ERCC6L2: variants seen among roughly 807,000 people sequenced by gnomAD.
ERCC6L2 encodes ERCC excision repair 6 like 2, also known as DNA excision repair protein ERCC-6-like 2.
In ERCC6L2, 77 loss-of-function variants were observed where a neutral mutation model predicts 132.0. The ratio of observed to expected loss-of-function variants is 0.58; its 90% CI spans 0.49 to 0.71. ERCC6L2 has a LOEUF of 0.71. ERCC6L2 is among the 30% of genes least tolerant of loss of function. The pLI is 0.00. For synonymous variants in ERCC6L2, 583 were observed against 632.4 expected, an observed-to-expected ratio of 0.92 and a Z score of 1.17; for missense variants, 1,542 against 1,837.6, an observed-to-expected ratio of 0.84 and a Z score of 2.94.
intron 4 of ERCC6L2, among the ~76,000 whole-genome samples, chr9:95,911,535 T>C (rs568421124): frequency 5.3e-5 from 8 of 152,076 alleles, no homozygotes; most frequent in African/African-American, 1.9e-4. Flanking sequence ...TATGATTTTA[T>C]ATTTATTTAT....
chr9:95,895,325 G>T (rs983546986), intron 2 of ERCC6L2, among the ~76,000 whole-genome samples: 5 of 151,844 alleles, frequency 3.3e-5, no homozygotes, highest in Admixed American at 2.0e-4. Flanking sequence ...CCTTTTTTAA[G>T]AAGTTTTTCT....
At chr9:95,995,775 A>G (rs1833450468) in intron 17 of ERCC6L2, among the ~76,000 whole-genome samples, 1 of 152,180 alleles carries the variant, frequency 6.6e-6, no homozygotes, top group Non-Finnish European at 1.5e-5. Context: ...CACATGCATG[A>G]TCTTTGATGT....
At chr9:95,901,801 T>C (rs932060911) in intron 3 of ERCC6L2, among the ~76,000 whole-genome samples, 3 of 152,248 alleles carry the variant, frequency 2.0e-5, no homozygotes, top group South Asian at 4.1e-4. Flanking sequence ...AACTGGAATT[T>C]AGAGTTTTTA....
intron 13 of ERCC6L2, among the ~76,000 whole-genome samples, 192 bp from the exon 14 acceptor site, chr9:95,966,369 CA>C (rs1832156709): frequency 6.6e-6 from 1 of 152,276 alleles, no homozygotes; most frequent in East Asian, 1.9e-4. Context: ...ATCTCTGTTT[CA>C]ATAAGACTGG....
intron 1 of ERCC6L2, among the ~76,000 whole-genome samples, chr9:95,877,966 G>A (rs1322194776): frequency 6.6e-6 from 1 of 152,088 alleles, no homozygotes; most frequent in Non-Finnish European, 1.5e-5. Flanking sequence ...AAAAACCAGT[G>A]GACATGATAA....
intron 2 of ERCC6L2, among the ~76,000 whole-genome samples, chr9:95,884,300 G>A (rs565917475): frequency 6.0e-4 from 91 of 152,128 alleles, no homozygotes; most frequent in Middle Eastern, 3.2e-3. Context: ...TAGATAGGTG[G>A]TTTGAAAGAC....
At chr9:95,882,425 A>G (rs931471481) in intron 2 of ERCC6L2, among the ~76,000 whole-genome samples, 2 of 152,196 alleles carry the variant, frequency 1.3e-5, no homozygotes, top group Non-Finnish European at 2.9e-5. Context: ...TTTGTGATCC[A>G]AGAAGAATAG....
chr9:96,026,153 C>G (rs1383895457), intron 19 of ERCC6L2, among the ~76,000 whole-genome samples: 2 of 152,182 alleles, frequency 1.3e-5, no homozygotes, highest in Non-Finnish European at 2.9e-5. Context: ...CCGGCCCGGG[C>G]GGGATGTGGG....
chr9:95,923,388 T>C lies in ERCC6L2; in HGVS notation c.1533+9T>C. On this transcript the variant is annotated intron_variant, in intron 9 of 18. Coordinates refer to ENST00000653738, the MANE Select transcript of ERCC6L2 (RefSeq NM_020207.7). ...ACAGTGGAAAAATGAAGGTAAGTGC[T>C]CCTCTTTCAGGTTGCATACAGACAT... The C allele has an allele frequency of 6.2e-7, 1 of 1,612,534 alleles. No individual in the cohort carries two copies. Among genetic ancestry groups the C allele is most frequent in the Non-Finnish European group, 8.5e-7 (1 of 1,179,156 alleles).
At chr9:96,037,506 T>A (rs56225283) in intron 19 of ERCC6L2, among the ~76,000 whole-genome samples, 15,867 of 152,248 alleles carry the variant, frequency 0.1, 905 homozygotes, top group African/African-American at 0.13. Flanking sequence ...TGGTCATATC[T>A]GGGGGAAGAT....
chr9:95,953,486 G>A (rs1236231567), intron 12 of ERCC6L2, among the ~76,000 whole-genome samples: 1 of 151,242 alleles, frequency 6.6e-6, no homozygotes, highest in African/African-American at 2.4e-5. Context: ...TGAGGCAGGA[G>A]AATGGTGTGA....
intron 20 of ERCC6L2, among the ~76,000 whole-genome samples, chr9:96,039,681 T>C (rs1588071887): frequency 6.7e-6 from 1 of 148,914 alleles, no homozygotes; most frequent in African/African-American, 2.5e-5. Flanking sequence ...TGCAGGGAGG[T>C]TTTCCCAAAG....
chr9:95,875,798 G>A lies in ERCC6L2; in HGVS notation c.-241G>A. On this transcript the variant is annotated 5_prime_UTR_variant, in exon 1 of 19. Transcript: ENST00000653738. ...CACCGCTTTGCCAGCCTCACACAGC[G>A]TCCCCTGGCTCTGCCGCCGCTCCGG... 1 of 570,020 alleles carries A rather than the reference G, an allele frequency of 1.8e-6. No individual in the cohort carries two copies. The highest frequency in any genetic ancestry group is 3.2e-6 in the Non-Finnish European group (1 of 316,636). 35.3% of individuals were successfully genotyped at this position (570,020 alleles called of 1,614,324 possible).
At chr9:96,009,723 A>G (rs536023629) in intron 18 of ERCC6L2, among the ~76,000 whole-genome samples, 2 of 152,354 alleles carry the variant, frequency 1.3e-5, no homozygotes, top group South Asian at 2.1e-4. Flanking sequence ...AAGGCCCAGA[A>G]TTAGGAAAGC....
rs1052354565 is a variant in ERCC6L2, at chr9:96,004,609, C to T, written c.3582C>T (p.Tyr1194=). 2.3e-6 allele frequency: 3 copies of T among 1,317,870 alleles called. No homozygotes were observed. In the African/African-American group the frequency reaches 4.5e-5, roughly 20 times the overall value. The allele number at this position is 1,317,870 out of a possible 1,614,324, so 81.6% of individuals were successfully genotyped here. A position where few individuals can be genotyped will look rare whatever the true frequency, so the allele number is the denominator to read the frequency against. The part of the protein sequence containing the change: ...PSEGSISLPL[Y]ISNPVNQKKK... ...AAGGCAGCATTTCACTTCCTCTTTA[C>T]ATTTCAAATCCTGTAAACCAGAAGA... is the stretch of plus-strand genomic sequence containing the variant. The change falls in exon 18 of 19, where the codon TAC becomes TAT. Residue 1194 remains tyrosine (Y), a synonymous_variant. Coordinates refer to ENST00000653738, the MANE Select transcript of ERCC6L2 (RefSeq NM_020207.7).
chr9:95,956,037 T>C, intron 13 of ERCC6L2, 24 bp downstream of exon 13: 1 of 1,393,088 alleles, frequency 7.2e-7, no homozygotes, highest in Non-Finnish European at 1.0e-6. Context: ...CCTTTTTCTG[T>C]TTCAGAGGTC....
chr9:95,962,082 C>T (rs975780994), intron 13 of ERCC6L2, among the ~76,000 whole-genome samples: 4 of 152,060 alleles, frequency 2.6e-5, no homozygotes, highest in African/African-American at 9.6e-5. Flanking sequence ...CACCTACAAA[C>T]CAATGAAAAG....
intron 1 of ERCC6L2, among the ~76,000 whole-genome samples, chr9:95,878,547 C>G (rs1453361231): frequency 3.3e-5 from 5 of 151,326 alleles, no homozygotes; most frequent in Admixed American, 3.3e-4. Context: ...GGTACGTGTG[C>G]ACAATGTGCA....
At chr9:95,934,031 A>G (rs1381574839) in intron 11 of ERCC6L2, among the ~76,000 whole-genome samples, 1 of 152,142 alleles carries the variant, frequency 6.6e-6, no homozygotes, top group Non-Finnish European at 1.5e-5. Context: ...AGTGTAAAGC[A>G]TTATCTAAGT....
Sources: allele counts gnomAD v4.1 joint callset (sites outside exome capture counted in the v4.1 genomes callset), GRCh38; gene constraint gnomAD v4.1.1; transcripts MANE v1.5; gene names NCBI Gene and HGNC (gene_info 2026-07-23, HGNC 2026-07-21).